MYO15B: variants seen among roughly 807,000 people sequenced by gnomAD.
The protein encoded by MYO15B is myosin XVB, also known as myosin XVB pseudogene.
In MYO15B, 207 loss-of-function variants were observed where a neutral mutation model predicts 119.3. The ratio of observed to expected loss-of-function variants is 1.73; its 90% CI spans 1.55 to 1.95. The LOEUF (loss-of-function observed/expected upper bound fraction) is 1.95. MYO15B is among the 30% of genes most tolerant of loss of function. The pLI, the probability that MYO15B is intolerant of heterozygous loss-of-function variation, is 0.00. For synonymous variants in MYO15B, 966 were observed against 498.9 expected, an observed-to-expected ratio of 1.94 and a Z score of -12.48; for missense variants, 2,264 against 1,203.1, an observed-to-expected ratio of 1.88 and a Z score of -13.04.
chr17:75,623,790 CAGG>C (rs750098885), exon 54 of MYO15B: 91 of 703,048 alleles, frequency 1.3e-4, no homozygotes, highest in Middle Eastern at 6.8e-4. Context: ...GCTGTGCCAG[CAGG>C]AGAAGCTGAG....
chr17:75,626,290 G>T (rs1218105472), intron 63 of MYO15B, 62 bp downstream of exon 63: 1 of 698,774 alleles, frequency 1.4e-6, no homozygotes, highest in East Asian at 2.7e-5. Context: ...CCCCAGCATG[G>T]CGTGCAGTGG....
At chr17:75,588,880 G>A in exon 1 of MYO15B, 1 of 398,470 alleles carries the variant, frequency 2.5e-6, no homozygotes, top group Non-Finnish European at 4.4e-6. Context: ...CACTGGGCCG[G>A]CCAAGGACGC....
intron 21 of MYO15B, among the ~76,000 whole-genome samples, chr17:75,607,730 G>T (rs1009635074): frequency 6.6e-6 from 1 of 152,086 alleles, no homozygotes; most frequent in Admixed American, 6.6e-5. Flanking sequence ...CAAAGTGCTG[G>T]GATTACAGGC....
chr17:75,602,634 T>A (rs2057357712), intron 16 of MYO15B, 40 bp downstream of exon 16: 1 of 635,440 alleles, frequency 1.6e-6, no homozygotes, highest in Non-Finnish European at 2.8e-6. Context: ...CGCTCCATAC[T>A]CTGTCCCCCA....
chr17:75,614,318 A>G (rs1166237284), exon 30 of MYO15B: 6 of 702,552 alleles, frequency 8.5e-6, no homozygotes, highest in African/African-American at 1.7e-5. Flanking sequence ...GACCTGGGGG[A>G]CCCAGCTCGC....
rs2148019826 is a variant in MYO15B, at chr17:75,615,220, G to A, written c.5642-20G>A. ...ATGTGGGCCCAGGCAGGGACTGACA[G>A]GGAGGGCGTGTTCCCTCAGTGTACC... On this transcript the variant is annotated intron_variant, in intron 33 of 63. Transcript: ENST00000645453. The A allele has an allele frequency of 1.4e-6, 1 of 698,190 alleles. No individual in the cohort carries two copies. The highest frequency in any genetic ancestry group is 2.6e-6 in the Non-Finnish European group (1 of 381,564). 43.2% of individuals were successfully genotyped at this position (698,190 alleles called of 1,614,324 possible). A position where few individuals can be genotyped will look rare whatever the true frequency, so the allele number is the denominator to read the frequency against.
At chr17:75,624,424 A>T (rs972896719) in exon 57 of MYO15B, 1 of 702,570 alleles carries the variant, frequency 1.4e-6, no homozygotes, top group African/African-American at 1.7e-5. Context: ...TGTGGATTAT[A>T]GGACGAATAT....
intron 19 of MYO15B, among the ~76,000 whole-genome samples, chr17:75,603,745 T>G (rs2057440458): frequency 6.6e-6 from 1 of 152,148 alleles, no homozygotes; most frequent in Admixed American, 6.5e-5. Flanking sequence ...GGGTGGCACA[T>G]GGAGCTGCCA....
chr17:75,619,452 C>T, exon 45 of MYO15B: 1 of 702,636 alleles, frequency 1.4e-6, no homozygotes. Context: ...GGGCCAATTA[C>T]TTCTCCCGCT....
Sources: allele counts gnomAD v4.1 joint callset (sites outside exome capture counted in the v4.1 genomes callset), GRCh38; gene constraint gnomAD v4.1.1; transcripts MANE v1.5; gene names NCBI Gene and HGNC (gene_info 2026-07-23, HGNC 2026-07-21).